Variants in PIEZO2 observed in about 807,000 individuals in gnomAD.
The protein encoded by PIEZO2 is piezo type mechanosensitive ion channel component 2, also known as piezo-type mechanosensitive ion channel component 2.
A neutral mutation model predicts 337.3 loss-of-function variants in PIEZO2; 172 were observed. The ratio of observed to expected loss-of-function variants is 0.51; its 90% CI spans 0.45 to 0.58. The LOEUF is 0.58. PIEZO2 is among the 20% of genes least tolerant of loss of function. The pLI is 0.00. For synonymous variants in PIEZO2, 1,251 were observed against 1,228.5 expected (o/e 1.02, Z -0.38); for missense variants, 3,028 against 3,391.3 (o/e 0.89, Z 2.66).
chr18:10,718,453 A>G (rs565864955), intron 36 of PIEZO2, among the ~76,000 whole-genome samples, 194 bp from the exon 37 acceptor site: 2 of 152,358 alleles, frequency 1.3e-5, no homozygotes, highest in East Asian at 3.9e-4. Context: ...AAATTATGTA[A>G]ATCAAGGATG....
Position 11,099,339 on chromosome 18 carries a change from T to TA in PIEZO2, c.65-33118dup, listed in dbSNP as rs1326748850. 1.8e-4 allele frequency among the ~76,000 whole-genome samples: 27 copies of TA among 152,354 alleles called. No individual in the cohort carries two copies. The highest frequency in any genetic ancestry group is 1.8e-3 in the Admixed American group (27 of 15,296). On this transcript the variant is annotated intron_variant, in intron 1 of 55. Coordinates refer to ENST00000674853, the MANE Select transcript of PIEZO2 (RefSeq NM_001378183.1). This position sits in a 1 kb window ranked among gnomAD's most constrained non-coding sequence, Gnocchi z 5.4. ...TCTCCAAAAAACAAACTTTGAAAAT[T>TA]ATATATCCCACATAGAAGTTCCTTG...
chr18:11,124,124 G>C (rs2040114058), intron 1 of PIEZO2, among the ~76,000 whole-genome samples: 1 of 152,176 alleles, frequency 6.6e-6, no homozygotes, highest in Non-Finnish European at 1.5e-5. Flanking sequence ...TATTGTGCCT[G>C]GCAGACAATA....
At chr18:10,809,944 A>G (rs2040135765) in intron 7 of PIEZO2, among the ~76,000 whole-genome samples, 1 of 152,180 alleles carries the variant, frequency 6.6e-6, no homozygotes. Flanking sequence ...AGAAGTATAC[A>G]ATGACACAAT....
chr18:10,727,145 C>T lies in PIEZO2; in HGVS notation c.5029+4262G>A, dbSNP rs186312858. ...CCTGGGGCCTGGGGATCTGCAGCAG[C>T]ATGTCTGGCAAACTGAGTCGCCCTC... On this transcript the variant is annotated intron_variant, in intron 36 of 55. Coordinates refer to ENST00000674853, the MANE Select transcript of PIEZO2 (RefSeq NM_001378183.1). The surrounding 1 kb of genome is among the most constrained non-coding windows in gnomAD (Gnocchi z 6.3). 4.1e-4 allele frequency: 175 copies of T among 430,022 alleles called. 1 individual carries two copies. In the East Asian group the frequency reaches 6.5e-3, roughly 16 times the overall value. The allele number at this position is 430,022 out of a possible 1,614,324, so 26.6% of individuals were successfully genotyped here. A position where few individuals can be genotyped will look rare whatever the true frequency, so the allele number is the denominator to read the frequency against.
chr18:10,833,849 G>T lies in PIEZO2; in HGVS notation c.917+21504C>A, dbSNP rs2040925754. Among the ~76,000 whole-genome samples, 1 of 152,166 alleles carries T rather than the reference G, an allele frequency of 6.6e-6. No individual in the cohort carries two copies. The highest frequency in any genetic ancestry group is 1.5e-5 in the Non-Finnish European group (1 of 68,034). On this transcript the variant is annotated intron_variant, in intron 7 of 55. Transcript: ENST00000674853. This position sits in a 1 kb window ranked among gnomAD's most constrained non-coding sequence, Gnocchi z 4.7. ...AGGCTGCCCTTTCCCTGAAGCCAAG[G>T]TTGCCCTTGTCAACACAGGCTTGGC...
chr18:10,730,083 G>A (rs894062712), intron 36 of PIEZO2, among the ~76,000 whole-genome samples: 2 of 152,232 alleles, frequency 1.3e-5, no homozygotes, highest in East Asian at 3.8e-4. Flanking sequence ...TTGTGCACAT[G>A]TGCAAGTACT....
intron 30 of PIEZO2, among the ~76,000 whole-genome samples, chr18:10,745,793 A>T (rs772871261): frequency 6.6e-6 from 1 of 151,612 alleles, no homozygotes; most frequent in Non-Finnish European, 1.5e-5. Context: ...ATGGCACTCC[A>T]TCTCCTCACT....
At chr18:11,074,594 T>TG (rs758321205) in intron 1 of PIEZO2, among the ~76,000 whole-genome samples, 4 of 152,224 alleles carry the variant, frequency 2.6e-5, no homozygotes, top group Non-Finnish European at 5.9e-5. Flanking sequence ...CACTTGGACT[T>TG]GCCTCATTCA....
intron 49 of PIEZO2, among the ~76,000 whole-genome samples, chr18:10,687,678 T>A (rs676878): frequency 1.3e-5 from 2 of 152,046 alleles, no homozygotes; most frequent in African/African-American, 2.4e-5. Context: ...GTGGTGGAAC[T>A]CTGAGCCTAG....
chr18:10,833,266 C>A lies in PIEZO2; in HGVS notation c.917+22087G>T, dbSNP rs527396827. On this transcript the variant is annotated intron_variant, in intron 7 of 55. Coordinates refer to ENST00000674853, the MANE Select transcript of PIEZO2 (RefSeq NM_001378183.1). The surrounding 1 kb of genome is among the most constrained non-coding windows in gnomAD (Gnocchi z 4.7). ...ACAGGTACCCTGGGTGCGTCAGTGG[C>A]AGCACAGAGATGAAACACAGTTCTG... 6.6e-6 allele frequency among the ~76,000 whole-genome samples: 1 copy of A among 152,234 alleles called. No homozygotes were observed. Among genetic ancestry groups the A allele is most frequent in the East Asian group, 1.9e-4 (1 of 5,170 alleles).
chr18:10,763,907 C>A (rs1598448042), intron 21 of PIEZO2, among the ~76,000 whole-genome samples: 1 of 151,992 alleles, frequency 6.6e-6, no homozygotes, highest in South Asian at 2.1e-4. Flanking sequence ...GCTTGGTGGG[C>A]CGGTGGGTAA....
intron 7 of PIEZO2, among the ~76,000 whole-genome samples, chr18:10,844,024 C>T (rs2041273598): frequency 6.6e-6 from 1 of 152,186 alleles, no homozygotes; most frequent in South Asian, 2.1e-4. Flanking sequence ...ATTACTATGT[C>T]GGCTTACTAT....
chr18:10,871,529 G>A lies in PIEZO2; in HGVS notation c.330-114C>T, dbSNP rs141098791. On this transcript the variant is annotated intron_variant, in intron 4 of 55. Coordinates refer to ENST00000674853, the MANE Select transcript of PIEZO2 (RefSeq NM_001378183.1). ...AATGATTTAAAATAAAAGATGCTCC[G>A]TTTCTCCCTAAAAGGTACAAGAAAG... 8.9e-3 allele frequency: 9,032 copies of A among 1,017,388 alleles called. 52 individuals carry two copies. The highest frequency in any genetic ancestry group is 0.011 in the Non-Finnish European group (8,032 of 727,622). The allele number at this position is 1,017,388 out of a possible 1,614,324, so 63.0% of individuals were successfully genotyped here. A position where few individuals can be genotyped will look rare whatever the true frequency, so the allele number is the denominator to read the frequency against.
chr18:10,826,787 G>C (rs142444126), intron 7 of PIEZO2, among the ~76,000 whole-genome samples: 56 of 152,244 alleles, frequency 3.7e-4, no homozygotes, highest in African/African-American at 1.3e-3. Context: ...ATAGTGTTGC[G>C]TATTCACCAC....
At chr18:10,939,940 TA>T (rs1397616872) in intron 3 of PIEZO2, among the ~76,000 whole-genome samples, 5 of 149,102 alleles carry the variant, frequency 3.4e-5, no homozygotes, top group African/African-American at 7.3e-5. Flanking sequence ...AAAATAAAAT[TA>T]AAAAAAAAAT....
In PIEZO2 at chr18:10,854,178, T is replaced by G. The variant is rs887023624; in HGVS notation, c.917+1175A>C. 6.6e-6 allele frequency among the ~76,000 whole-genome samples: 1 copy of G among 152,200 alleles called. No homozygotes were observed. Among genetic ancestry groups the G allele is most frequent in the African/African-American group, 2.4e-5 (1 of 41,452 alleles). ...ACTGTTTCCTAGCCTTTATATTTTC[T>G]GTAAATGGGAGGTTAGGTCAAAAGT... On this transcript the variant is annotated intron_variant, in intron 7 of 55. Transcript: ENST00000674853. The surrounding 1 kb of genome is among the most constrained non-coding windows in gnomAD (Gnocchi z 4.6).
At chr18:10,717,982 T>G (rs1029341589) in intron 37 of PIEZO2, among the ~76,000 whole-genome samples, 1 of 152,224 alleles carries the variant, frequency 6.6e-6, no homozygotes, top group East Asian at 1.9e-4. Context: ...CTGACACTAA[T>G]TCAACATTTT....
At chr18:10,827,574 T>G (rs1203671598) in intron 7 of PIEZO2, among the ~76,000 whole-genome samples, 1 of 152,200 alleles carries the variant, frequency 6.6e-6, no homozygotes, top group African/African-American at 2.4e-5. Flanking sequence ...TAGGTGGTAT[T>G]AGGCAGCCAA....
chr18:11,016,677 G>A lies in PIEZO2; in HGVS notation c.161-37017C>T, dbSNP rs1000463248. Among the ~76,000 whole-genome samples the A allele has an allele frequency of 1.3e-5, 2 of 152,118 alleles. No homozygotes were observed. The highest frequency in any genetic ancestry group is 2.4e-5 in the African/African-American group (1 of 41,424). On this transcript the variant is annotated intron_variant, in intron 2 of 55. Coordinates refer to ENST00000674853, the MANE Select transcript of PIEZO2 (RefSeq NM_001378183.1). This position sits in a 1 kb window ranked among gnomAD's most constrained non-coding sequence, Gnocchi z 5.6. The stretch of plus-strand genomic sequence containing the variant: ...CCAAAAATGCACAAAACAGGTACAT[G>A]GTGTTGAAGAAATCATGTTTCATGA...
Sources: gnomAD v4.1 joint callset for allele counts (sites outside exome capture counted in the v4.1 genomes callset) on GRCh38, gnomAD v4.1.1 for gene constraint, Gnocchi (gnomAD v3.1) non-coding constraint, MANE v1.5 for transcripts, NCBI Gene and HGNC (gene_info 2026-07-23, HGNC 2026-07-21) for gene names.